Variants in CACNA1D observed in about 807,000 individuals in gnomAD.
The protein encoded by CACNA1D is calcium voltage-gated channel subunit alpha1 D.
A neutral mutation model predicts 257.1 loss-of-function variants in CACNA1D; 55 were observed. The observed-to-expected ratio is 0.21, with a 90% CI of 0.17 to 0.27. CACNA1D has a LOEUF of 0.27. Ranked by LOEUF, CACNA1D falls within the 10% of genes least tolerant of loss-of-function variation. The pLI is 1.00. For synonymous variants in CACNA1D, 980 were observed against 1,014.9 expected (o/e 0.97, Z 0.65); for missense variants, 1,876 against 2,784.0 (o/e 0.67, Z 7.34).
intron 39 of CACNA1D, among the ~76,000 whole-genome samples, chr3:53,785,243 G>A (rs1312754603): frequency 3.9e-5 from 6 of 152,110 alleles, no homozygotes; most frequent in African/African-American, 1.2e-4. Flanking sequence ...TAGACAAGCC[G>A]AGACAGATTA....
intron 5 of CACNA1D, among the ~76,000 whole-genome samples, chr3:53,663,803 T>C (rs1028378408): frequency 6.7e-6 from 1 of 150,040 alleles, no homozygotes; most frequent in African/African-American, 2.5e-5. Context: ...CTCTCTTTTT[T>C]TTGGAGACGA....
intron 8 of CACNA1D, among the ~76,000 whole-genome samples, chr3:53,695,637 G>T (rs1004392086): frequency 2.0e-5 from 3 of 152,170 alleles, no homozygotes; most frequent in African/African-American, 4.8e-5. Context: ...TGGTGGTTGG[G>T]GGTCAGTGAC....
intron 21 of CACNA1D, 54 bp downstream of exon 21, chr3:53,740,393 G>A (rs2095104523): frequency 8.3e-7 from 1 of 1,201,776 alleles, no homozygotes. Context: ...AGCAATAATA[G>A]TTGCACTTCT....
intron 3 of CACNA1D, among the ~76,000 whole-genome samples, chr3:53,553,036 A>C (rs1029017326): frequency 6.6e-6 from 1 of 152,222 alleles, no homozygotes; most frequent in East Asian, 1.9e-4. Context: ...AAAATTACTC[A>C]TAGATAACAA....
At chr3:53,771,891 G>C (rs1280375096) in intron 32 of CACNA1D, among the ~76,000 whole-genome samples, 1 of 152,244 alleles carries the variant, frequency 6.6e-6, no homozygotes, top group African/African-American at 2.4e-5. Flanking sequence ...GAGCAGTCCA[G>C]CTGCAGGGAG....
Position 53,718,365 on chromosome 3 carries a change from C to G in CACNA1D, c.1455C>G (p.Asn485Lys), listed in dbSNP as rs1046501490. Residue 485 changes from asparagine (N) to lysine (K), a missense_variant, in exon 10 of 48, where the codon AAC becomes AAG. Physicochemically the swap from Asn to Lys is moderately conservative, Grantham distance 94. This residue lies in a region of CACNA1D where 257 missense variants were observed against 399.7 expected (regional missense o/e 0.64). Coordinates refer to ENST00000350061, the MANE Select transcript of CACNA1D (RefSeq NM_001128840.3). ...NTENVSGEGE[N>K]RGCCGSLCQA... ...AGAACGTCAGCGGTGAAGGCGAGAA[C>G]CGAGGCTGCTGTGGAAGTCTCTGGT... 6.2e-7 allele frequency: 1 copy of G among 1,614,134 alleles called. No homozygotes were observed. Among genetic ancestry groups the G allele is most frequent in the African/African-American group, 1.3e-5 (1 of 75,052 alleles).
chr3:53,789,403 C>T lies in CACNA1D; in HGVS notation c.4923+2451C>T, dbSNP rs536821613. Among the ~76,000 whole-genome samples, 25 of 152,186 alleles carry T rather than the reference C, an allele frequency of 1.6e-4. No individual in the cohort carries two copies. Among genetic ancestry groups the T allele is most frequent in the Non-Finnish European group, 2.4e-4 (16 of 68,038 alleles). ...TCTAATTGCATTTTGGCTTCCTGTG[C>T]TGTAGAAATGGCTGTGAGTGTGATT... On this transcript the variant is annotated intron_variant, in intron 40 of 47. Coordinates refer to ENST00000350061, the MANE Select transcript of CACNA1D (RefSeq NM_001128840.3). This position sits in a 1 kb window ranked among gnomAD's most constrained non-coding sequence, Gnocchi z 4.2.
At chr3:53,559,712 C>T (rs1228761788) in intron 3 of CACNA1D, among the ~76,000 whole-genome samples, 1 of 152,112 alleles carries the variant, frequency 6.6e-6, no homozygotes, top group Non-Finnish European at 1.5e-5. Context: ...TTAATATGCC[C>T]CTTTGTGATG....
chr3:53,767,850 C>G (rs2095343064), intron 30 of CACNA1D, among the ~76,000 whole-genome samples: 1 of 152,154 alleles, frequency 6.6e-6, no homozygotes, highest in Non-Finnish European at 1.5e-5. Flanking sequence ...CTGAAGCAGC[C>G]CCCCATGCCC....
chr3:53,659,796 A>G (rs1007796364), intron 4 of CACNA1D, among the ~76,000 whole-genome samples: 1 of 152,250 alleles, frequency 6.6e-6, no homozygotes, highest in Non-Finnish European at 1.5e-5. Context: ...AGTGCTCATG[A>G]ATGGTAGCCA....
At chr3:53,798,005 G>C (rs745448245) in intron 40 of CACNA1D, 3 of 152,148 alleles carry the variant, frequency 2.0e-5, no homozygotes, top group African/African-American at 4.8e-5. Flanking sequence ...ATGTAACCGA[G>C]TTTTCTTCCC....
chr3:53,694,486 G>A (rs2094556217), intron 8 of CACNA1D, among the ~76,000 whole-genome samples: 1 of 152,184 alleles, frequency 6.6e-6, no homozygotes, highest in Non-Finnish European at 1.5e-5. Context: ...CCCACGGAAG[G>A]GACGTAGGAT....
intron 3 of CACNA1D, among the ~76,000 whole-genome samples, chr3:53,612,112 A>C (rs532601116): frequency 1.3e-5 from 2 of 152,346 alleles, no homozygotes; most frequent in South Asian, 4.1e-4. Flanking sequence ...GTTTTTAAAA[A>C]TACTTGAATA....
At position 53,495,256 on chromosome 3, in the gene CACNA1D, C is replaced by G; in HGVS notation, c.67+23C>G. 6.2e-7 allele frequency: 1 copy of G among 1,613,222 alleles called. No individual in the cohort carries two copies. Among genetic ancestry groups the G allele is most frequent in the South Asian group, 1.1e-5 (1 of 91,036 alleles). On this transcript the variant is annotated intron_variant, in intron 1 of 47. Transcript: ENST00000350061. This position sits in a 1 kb window ranked among gnomAD's most constrained non-coding sequence, Gnocchi z 5.1. ...ACGGTGAGCAGCCAGAGCCCGGGCA[C>G]CCGCTGCCAAATCCGATCCTGTCAT...
At chr3:53,686,262 G>T (rs1442580654) in intron 8 of CACNA1D, among the ~76,000 whole-genome samples, 1 of 151,978 alleles carries the variant, frequency 6.6e-6, no homozygotes, top group Non-Finnish European at 1.5e-5. Flanking sequence ...GCCTAGATGA[G>T]GTCAAAAGTG....
At chr3:53,706,675 A>G (rs1384035021) in intron 9 of CACNA1D, among the ~76,000 whole-genome samples, 3 of 152,146 alleles carry the variant, frequency 2.0e-5, no homozygotes, top group Non-Finnish European at 4.4e-5. Context: ...ACATGGACAT[A>G]TTACATAGCG....
At chr3:53,520,905 T>TTTTTC (rs1559785315) in intron 3 of CACNA1D, among the ~76,000 whole-genome samples, 28 of 125,646 alleles carry the variant, frequency 2.2e-4, no homozygotes, top group African/African-American at 3.6e-4. Context: ...TTTTCTTTTC[T>TTTTTC]TTTCTTTTCT....
At position 53,805,161 on chromosome 3, in the gene CACNA1D, T is replaced by C. The variant is rs927350579; in HGVS notation, c.5749+15T>C. On this transcript the variant is annotated intron_variant, in intron 45 of 47. Transcript: ENST00000350061. ...CACCCCAGCATGTGAGGCCAGATTT[T>C]TTGTTTTGGGTGGAACCTCCCGGGG... 3.1e-6 allele frequency: 5 copies of C among 1,612,422 alleles called. No homozygotes were observed. Among genetic ancestry groups the C allele is most frequent in the Non-Finnish European group, 4.2e-6 (5 of 1,179,826 alleles).
chr3:53,527,838 C>G lies in CACNA1D; in HGVS notation c.483+26118C>G, dbSNP rs866407778. On this transcript the variant is annotated intron_variant, in intron 3 of 47. Transcript: ENST00000350061. The stretch of plus-strand genomic sequence containing the variant: ...TTTTATAGGTCTTTTGGATAGCATT[C>G]TATTTCAAGACATTTGAAAATGTAG... Among the ~76,000 whole-genome samples the G allele has an allele frequency of 1.3e-5, 2 of 152,310 alleles. 1 individual carries two copies. Among genetic ancestry groups the G allele is most frequent in the Middle Eastern group, 6.8e-3 (2 of 294 alleles).
Sources: gnomAD v4.1 joint callset for allele counts (sites outside exome capture counted in the v4.1 genomes callset) on GRCh38, gnomAD v4.1.1 for gene constraint, gnomAD v4.1.1 regional missense constraint, Gnocchi (gnomAD v3.1) non-coding constraint, MANE v1.5 for transcripts, NCBI Gene and HGNC (gene_info 2026-07-23, HGNC 2026-07-21) for gene names.